Variants in PCDH9 observed in about 807,000 individuals in gnomAD.
The protein encoded by PCDH9 is protocadherin 9.
PCDH9 carries 24 observed loss-of-function variants against 70.6 expected under a neutral mutation model. That is an observed-to-expected ratio of 0.34 (90% CI 0.25 to 0.48). The LOEUF is 0.48. Among genes scored for constraint, PCDH9 ranks in the 20% least tolerant of loss-of-function variants. The pLI, the probability that PCDH9 is intolerant of heterozygous loss-of-function variation, is 0.99. For missense variants in PCDH9, 1,281 were observed against 1,503.6 expected (o/e 0.85, Z 2.45); for synonymous variants, 562 against 558.5 (o/e 1.01, Z -0.09).
chr13:66,721,015 A>G (rs2078935057), intron 3 of PCDH9, among the ~76,000 whole-genome samples: 1 of 152,216 alleles, frequency 6.6e-6, no homozygotes, highest in Non-Finnish European at 1.5e-5. Context: ...TCACTGTTAT[A>G]CACGTAAAAA....
At chr13:66,999,592 G>A (rs910477632) in intron 2 of PCDH9, among the ~76,000 whole-genome samples, 41 of 151,326 alleles carry the variant, frequency 2.7e-4, no homozygotes, top group Admixed American at 1.6e-3. Context: ...ATCTGACAAA[G>A]GGCTAATATC....
At chr13:66,974,253 G>C (rs1306286881) in intron 2 of PCDH9, among the ~76,000 whole-genome samples, 1 of 151,990 alleles carries the variant, frequency 6.6e-6, no homozygotes, top group Non-Finnish European at 1.5e-5. Context: ...CTCTCAGGGA[G>C]TGTGCCCCCA....
intron 2 of PCDH9, among the ~76,000 whole-genome samples, chr13:66,977,131 C>T (rs2083635553): frequency 6.6e-6 from 1 of 152,030 alleles, no homozygotes; most frequent in African/African-American, 2.4e-5. Context: ...TATACTTCTC[C>T]CTCTGTGATA....
At chr13:67,047,168 G>A (rs1371994233) in intron 2 of PCDH9, among the ~76,000 whole-genome samples, 1 of 121,946 alleles carries the variant, frequency 8.2e-6, no homozygotes, top group Non-Finnish European at 1.8e-5. Flanking sequence ...CTAAAATTCA[G>A]ATTTCTGAAC....
At chr13:67,147,166 T>C (rs1238380818) in intron 2 of PCDH9, among the ~76,000 whole-genome samples, 4 of 152,206 alleles carry the variant, frequency 2.6e-5, no homozygotes, top group Non-Finnish European at 5.9e-5. Flanking sequence ...GAAATCATCA[T>C]TTTCAGGCTT....
intron 4 of PCDH9, among the ~76,000 whole-genome samples, chr13:66,485,468 G>C (rs200043757): frequency 6.6e-6 from 1 of 152,114 alleles, no homozygotes; most frequent in Non-Finnish European, 1.5e-5. Flanking sequence ...ACCTACATCA[G>C]TCAGTGAGGT....
At chr13:66,802,355 T>C (rs993572542) in intron 3 of PCDH9, among the ~76,000 whole-genome samples, 5 of 152,058 alleles carry the variant, frequency 3.3e-5, no homozygotes, top group Non-Finnish European at 7.4e-5. Flanking sequence ...ACAGGATAGT[T>C]AAAAGAATGA....
chr13:66,335,085 T>C (rs375149870), intron 4 of PCDH9, among the ~76,000 whole-genome samples: 1 of 152,028 alleles, frequency 6.6e-6, no homozygotes, highest in Non-Finnish European at 1.5e-5. Context: ...ACCCTTGGTG[T>C]TTTCATCACA....
chr13:66,626,202 A>AGTGAGAGGG (rs2077496936), intron 4 of PCDH9, among the ~76,000 whole-genome samples: 1 of 152,146 alleles, frequency 6.6e-6, no homozygotes, highest in African/African-American at 2.4e-5. Flanking sequence ...AGAAGAAAGA[A>AGTGAGAGGG]GTGAGAGGGG....
At chr13:66,475,047 A>G (rs1473135373) in intron 4 of PCDH9, among the ~76,000 whole-genome samples, 1 of 152,110 alleles carries the variant, frequency 6.6e-6, no homozygotes, top group Non-Finnish European at 1.5e-5. Flanking sequence ...CAATTAGATG[A>G]TGTATAAGGA....
chr13:67,197,213 C>A (rs2089088461), intron 2 of PCDH9, among the ~76,000 whole-genome samples: 1 of 151,848 alleles, frequency 6.6e-6, no homozygotes, highest in Non-Finnish European at 1.5e-5. Context: ...TGGTAATAGC[C>A]TCAATTATAT....
intron 4 of PCDH9, among the ~76,000 whole-genome samples, chr13:66,479,129 G>C (rs898338910): frequency 6.6e-6 from 1 of 152,160 alleles, no homozygotes; most frequent in African/African-American, 2.4e-5. Context: ...AATGGAACAA[G>C]AAAGGCTGAA....
chr13:67,047,950 C>G (rs2085253710), intron 2 of PCDH9, among the ~76,000 whole-genome samples: 1 of 152,086 alleles, frequency 6.6e-6, no homozygotes, highest in Admixed American at 6.6e-5. Context: ...CTTGAAAAAT[C>G]AATTTAGGGG....
At chr13:66,725,243 T>A (rs910763406) in intron 3 of PCDH9, among the ~76,000 whole-genome samples, 1 of 152,222 alleles carries the variant, frequency 6.6e-6, no homozygotes, top group Non-Finnish European at 1.5e-5. Context: ...GAATTTTATT[T>A]AATTATGCTA....
chr13:66,349,198 G>A (rs1028971955), intron 4 of PCDH9, among the ~76,000 whole-genome samples: 10 of 152,140 alleles, frequency 6.6e-5, no homozygotes, highest in African/African-American at 2.4e-4. Context: ...GTGTTTCCTG[G>A]AGGAGGGAGG....
At chr13:67,167,991 A>G (rs1199690972) in intron 2 of PCDH9, among the ~76,000 whole-genome samples, 1 of 152,208 alleles carries the variant, frequency 6.6e-6, no homozygotes, top group South Asian at 2.1e-4. Context: ...CCACTATTTC[A>G]TAAAGAAACA....
At chr13:66,970,319 C>A (rs1324688825) in intron 2 of PCDH9, among the ~76,000 whole-genome samples, 2 of 151,674 alleles carry the variant, frequency 1.3e-5, no homozygotes, top group African/African-American at 4.8e-5. Context: ...ATTTCTTTGG[C>A]AGCCCTTAAG....
At chr13:66,773,588 C>T (rs1163234880) in intron 3 of PCDH9, among the ~76,000 whole-genome samples, 1 of 150,354 alleles carries the variant, frequency 6.7e-6, no homozygotes, top group Non-Finnish European at 1.5e-5. Flanking sequence ...CGAGATTGCG[C>T]TACTGCACTC....
chr13:66,825,458 T>A (rs1247839207), intron 3 of PCDH9, among the ~76,000 whole-genome samples: 1 of 144,070 alleles, frequency 6.9e-6, no homozygotes, highest in Non-Finnish European at 1.5e-5. Flanking sequence ...TGCCTCAGCC[T>A]CCCGTGTAGC....
Sources: allele counts gnomAD v4.1 joint callset (sites outside exome capture counted in the v4.1 genomes callset), GRCh38; gene constraint gnomAD v4.1.1; transcripts MANE v1.5; gene names NCBI Gene and HGNC (gene_info 2026-07-23, HGNC 2026-07-21).